The following CDCP1 variants were observed in gnomAD, a reference collection of about 807,000 sequenced individuals.
CDCP1 encodes the protein CUB domain containing protein 1, also known as CUB domain-containing protein 1.
Under a neutral mutation model 60.2 loss-of-function variants are expected in CDCP1, and 29 were observed. That is an observed-to-expected ratio of 0.48 (90% CI 0.36 to 0.66). The LOEUF (loss-of-function observed/expected upper bound fraction) is 0.66, where lower values mean the gene tolerates loss of function less well. CDCP1 is among the 30% of genes least tolerant of loss of function. The pLI is 0.00. For missense variants in CDCP1, 876 were observed against 1,074.3 expected (o/e 0.82, Z 2.58); for synonymous variants, 387 against 431.1 (o/e 0.90, Z 1.27).
At chr3:45,141,725 T>C (rs1284463048) in intron 1 of CDCP1, among the ~76,000 whole-genome samples, 3 of 152,206 alleles carry the variant, frequency 2.0e-5, no homozygotes, top group Non-Finnish European at 4.4e-5. Flanking sequence ...TTGTCTAGAA[T>C]GCGCCAGCTG....
intron 4 of CDCP1, 36 bp downstream of exon 4, chr3:45,110,437 G>C: frequency 6.2e-7 from 1 of 1,606,516 alleles, no homozygotes; most frequent in African/African-American, 1.3e-5. Context: ...CGAAGGTGCT[G>C]GAGGAGGAAG....
At chr3:45,108,327 C>T (rs371364691) in intron 4 of CDCP1, among the ~76,000 whole-genome samples, 1 of 152,126 alleles carries the variant, frequency 6.6e-6, no homozygotes, top group African/African-American at 2.4e-5. Flanking sequence ...TCCACTCACT[C>T]CGCTAGAAAC....
chr3:45,092,225 C>G (rs1232045639), intron 6 of CDCP1, among the ~76,000 whole-genome samples: 1 of 152,194 alleles, frequency 6.6e-6, no homozygotes, highest in Non-Finnish European at 1.5e-5. Flanking sequence ...CAAATAAAAA[C>G]CAGGCAAGTT....
chr3:45,093,413 G>A lies in CDCP1; in HGVS notation c.1491C>T (p.Ser497=), dbSNP rs772478326. The change falls in exon 6 of 9, where the codon TCC becomes TCT. Residue 497 remains serine (S), a synonymous_variant. Transcript: ENST00000296129. ...AIPSQDLYFG[S]FCPGGSIKQI... ...GCTTGATAGAGCCTCCCGGGCAGAA[G>A]GAGCCGAAGTACAGGTCCTGGCTGG... 2 of 1,614,196 alleles carry A rather than the reference G, an allele frequency of 1.2e-6. No individual in the cohort carries two copies. The highest frequency in any genetic ancestry group is 1.1e-5 in the South Asian group (1 of 91,082).
chr3:45,126,719 C>T (rs1158041936), intron 1 of CDCP1, among the ~76,000 whole-genome samples: 1 of 152,150 alleles, frequency 6.6e-6, no homozygotes, highest in Admixed American at 6.5e-5. Flanking sequence ...AATCTAGACA[C>T]CAGGCCTGTC....
chr3:45,114,627 G>A (rs1167849024), intron 2 of CDCP1, among the ~76,000 whole-genome samples: 1 of 152,142 alleles, frequency 6.6e-6, no homozygotes, highest in East Asian at 1.9e-4. Flanking sequence ...TGACCAGGCT[G>A]GTCTTGAACT....
chr3:45,120,721 C>G (rs1698867633), intron 1 of CDCP1, among the ~76,000 whole-genome samples: 1 of 152,198 alleles, frequency 6.6e-6, no homozygotes. Flanking sequence ...TCACTGTGTT[C>G]AGGCCAGTCT....
At chr3:45,100,324 T>C (rs1698469187) in intron 4 of CDCP1, among the ~76,000 whole-genome samples, 1 of 152,242 alleles carries the variant, frequency 6.6e-6, no homozygotes. Context: ...CTGGGATCTT[T>C]GGTTCAGGGA....
intron 4 of CDCP1, among the ~76,000 whole-genome samples, chr3:45,095,999 C>T (rs1698390606): frequency 2.0e-5 from 3 of 152,134 alleles, no homozygotes; most frequent in African/African-American, 4.8e-5. Context: ...CACTTGTAAT[C>T]AGAAAATGCA....
chr3:45,094,989 C>A (rs1044220461), intron 5 of CDCP1, among the ~76,000 whole-genome samples: 1 of 148,820 alleles, frequency 6.7e-6, no homozygotes, highest in Admixed American at 6.7e-5. Flanking sequence ...GGCTAGAGTG[C>A]GTGGTGCAAT....
Position 45,085,787 on chromosome 3 carries a change from A to G in CDCP1, c.2362T>C (p.Leu788=). ...TICSRAPTAK[L]ATEEPPPRSP... The stretch of plus-strand genomic sequence containing the variant: ...CGAGGAGGTGGCTCCTCAGTGGCCA[A>G]CTTTGCAGTTGGGGCCCTGGAGCAT... Residue 788 remains leucine, a synonymous_variant, in exon 9 of 9, where the codon TTG becomes CTG. Coordinates refer to ENST00000296129, the MANE Select transcript of CDCP1 (RefSeq NM_022842.5). The surrounding 1 kb of genome is among the most constrained non-coding windows in gnomAD (Gnocchi z 4.2). 1 of 1,614,156 alleles carries G rather than the reference A, an allele frequency of 6.2e-7. No homozygotes were observed.
At chr3:45,124,694 T>A (rs1698946379) in intron 1 of CDCP1, among the ~76,000 whole-genome samples, 1 of 152,182 alleles carries the variant, frequency 6.6e-6, no homozygotes, top group African/African-American at 2.4e-5. Flanking sequence ...ATGGAGCAGA[T>A]CCCTGCTTTT....
At chr3:45,145,132 A>G (rs1237293834) in intron 1 of CDCP1, among the ~76,000 whole-genome samples, 3 of 152,146 alleles carry the variant, frequency 2.0e-5, no homozygotes, top group South Asian at 2.1e-4. Flanking sequence ...ATATTTTAGA[A>G]GCTCCTGTCT....
chr3:45,109,083 G>A (rs1698641515), intron 4 of CDCP1, among the ~76,000 whole-genome samples: 1 of 150,096 alleles, frequency 6.7e-6, no homozygotes, highest in African/African-American at 2.5e-5. Context: ...CCAAGTAGTT[G>A]GGATTACAGG....
chr3:45,129,266 C>A (rs554001982), intron 1 of CDCP1, among the ~76,000 whole-genome samples: 12 of 152,336 alleles, frequency 7.9e-5, no homozygotes, highest in Admixed American at 3.3e-4. Context: ...GTATAAACCC[C>A]TCTGAGACTG....
At chr3:45,095,282 A>G in intron 5 of CDCP1, 65 bp downstream of exon 5, 1 of 1,460,620 alleles carries the variant, frequency 6.8e-7, no homozygotes, top group Non-Finnish European at 9.5e-7. Flanking sequence ...GAACCCCACT[A>G]AGGCAAGGCG....
intron 8 of CDCP1, among the ~76,000 whole-genome samples, chr3:45,087,685 G>A (rs1698218499): frequency 6.6e-6 from 1 of 152,172 alleles, no homozygotes; most frequent in Non-Finnish European, 1.5e-5. Flanking sequence ...TGTAGACTAG[G>A]AATTTCAGTT....
At chr3:45,146,391 T>G, upstream of CDCP1, 1 of 1,010,390 alleles carries the variant, frequency 9.9e-7, no homozygotes, top group South Asian at 2.0e-5. Context: ...CTCACTCACC[T>G]GCGCGCGGGC....
intron 8 of CDCP1, among the ~76,000 whole-genome samples, chr3:45,088,557 C>T (rs1261930351): frequency 2.0e-5 from 3 of 152,210 alleles, no homozygotes. Context: ...CTGGGCCTTC[C>T]TTCCTCTGGG....
Sources: gnomAD v4.1 joint callset for allele counts (sites outside exome capture counted in the v4.1 genomes callset) on GRCh38, gnomAD v4.1.1 for gene constraint, Gnocchi (gnomAD v3.1) non-coding constraint, MANE v1.5 for transcripts, NCBI Gene and HGNC (gene_info 2026-07-23, HGNC 2026-07-21) for gene names.